The following CSMD2 variants were observed in gnomAD, a reference collection of about 807,000 sequenced individuals.
CSMD2 encodes CUB and sushi domain-containing protein 2.
CSMD2 carries 130 observed loss-of-function variants against 398.5 expected under a neutral mutation model. That is an observed-to-expected ratio of 0.33 (90% CI 0.28 to 0.38). CSMD2 has a LOEUF of 0.38. Ranked by LOEUF, CSMD2 falls within the 10% of genes least tolerant of loss-of-function variation. The probability of loss-of-function intolerance (pLI) is 1.00; values close to 1 mark genes in which losing one functional copy is unlikely to be tolerated. For missense variants in CSMD2, 3,829 were observed against 4,764.9 expected (o/e 0.80, Z 5.78); for synonymous variants, 1,828 against 1,908.5 (o/e 0.96, Z 1.10).
intron 5 of CSMD2, chr1:33,885,211 T>C (rs1166133863): frequency 6.6e-6 from 1 of 152,136 alleles, no homozygotes; most frequent in African/African-American, 2.4e-5. Flanking sequence ...TTCCGAGACA[T>C]ATCAGAAAAC....
At chr1:33,638,760 T>C (rs1642945904) in intron 29 of CSMD2, among the ~76,000 whole-genome samples, 1 of 152,170 alleles carries the variant, frequency 6.6e-6, no homozygotes, top group African/African-American at 2.4e-5. Flanking sequence ...CTTAGCTCAA[T>C]TTCTCCTTCA....
chr1:33,883,951 A>G (rs1641410317), intron 5 of CSMD2, among the ~76,000 whole-genome samples: 1 of 152,158 alleles, frequency 6.6e-6, no homozygotes, highest in South Asian at 2.1e-4. Flanking sequence ...GCTGGGGTTC[A>G]TGGGCCAGTG....
At chr1:33,878,853 G>A (rs994111399) in intron 5 of CSMD2, among the ~76,000 whole-genome samples, 1 of 152,222 alleles carries the variant, frequency 6.6e-6, no homozygotes, top group African/African-American at 2.4e-5. Context: ...GGGACAGGGT[G>A]CTATTGTGCT....
chr1:33,902,227 T>A (rs998210301), intron 5 of CSMD2, among the ~76,000 whole-genome samples: 1 of 152,070 alleles, frequency 6.6e-6, no homozygotes, highest in African/African-American at 2.4e-5. Flanking sequence ...TTTTAAAAGT[T>A]GGGGGTGTAA....
chr1:33,654,820 C>A (rs1011241785), intron 27 of CSMD2, among the ~76,000 whole-genome samples: 3 of 152,250 alleles, frequency 2.0e-5, no homozygotes, highest in Admixed American at 6.5e-5. Flanking sequence ...GTCCCTTTGC[C>A]AGCTCAGGGG....
intron 2 of CSMD2, among the ~76,000 whole-genome samples, chr1:34,048,358 T>C (rs1652788912): frequency 6.6e-6 from 1 of 152,210 alleles, no homozygotes; most frequent in African/African-American, 2.4e-5. Flanking sequence ...GGAGGTTTGA[T>C]GGAACAGCTG....
In CSMD2 at chr1:33,566,612, G is replaced by C. The variant is rs564147616; in HGVS notation, c.8380+981C>G. 2.0e-5 allele frequency among the ~76,000 whole-genome samples: 3 copies of C among 152,208 alleles called. No individual in the cohort carries two copies. The East Asian group carries it at 5.8e-4, about 29-fold the overall frequency. On this transcript the variant is annotated intron_variant, in intron 53 of 70. Coordinates refer to ENST00000373381, the MANE Select transcript of CSMD2 (RefSeq NM_001281956.2). ...AAATAGAATGGTCAAAGGTGCATCA[G>C]GCAAAAGAATTAAAGCAGGGGTTGT...
chr1:33,819,598 G>A (rs926658140), intron 9 of CSMD2, 115 bp downstream of exon 9: 7 of 862,636 alleles, frequency 8.1e-6, no homozygotes, highest in South Asian at 1.7e-5. Flanking sequence ...GGGAGTGAGG[G>A]GGGAGGGGAG....
intron 6 of CSMD2, among the ~76,000 whole-genome samples, chr1:33,832,408 C>G (rs1324161202): frequency 4.3e-5 from 2 of 46,286 alleles, no homozygotes; most frequent in African/African-American, 1.5e-4. Context: ...GCACTGGGTA[C>G]ATAACGAACT....
At chr1:34,010,665 T>C (rs1285230359) in intron 3 of CSMD2, among the ~76,000 whole-genome samples, 1 of 152,018 alleles carries the variant, frequency 6.6e-6, no homozygotes, top group African/African-American at 2.4e-5. Flanking sequence ...GTAACCCAGG[T>C]TGGAGTGCAG....
intron 9 of CSMD2, among the ~76,000 whole-genome samples, chr1:33,819,116 T>C (rs1267690559): frequency 6.6e-6 from 1 of 152,198 alleles, no homozygotes; most frequent in African/African-American, 2.4e-5. Flanking sequence ...AAAGCAGGAA[T>C]ACACTTGGCT....
In CSMD2 at chr1:34,093,858, C is replaced by T. The variant is rs186342943; in HGVS notation, c.188-4665G>A. 5.9e-3 allele frequency among the ~76,000 whole-genome samples: 895 copies of T among 152,190 alleles called. 10 individuals are homozygous for T. Among genetic ancestry groups the T allele is most frequent in the Middle Eastern group, 0.017 (5 of 294 alleles). On this transcript the variant is annotated intron_variant, in intron 1 of 70. Coordinates refer to ENST00000373381, the MANE Select transcript of CSMD2 (RefSeq NM_001281956.2). ...TGCAGGATATTATCCCGGAGAATTTCCCCAATCTAGCAAGGCAGGCCAACG... is the reference window on the plus strand; with the variant it reads ...TGCAGGATATTATCCCGGAGAATTTTCCCAATCTAGCAAGGCAGGCCAACG...
intron 2 of CSMD2, among the ~76,000 whole-genome samples, chr1:34,057,749 C>T (rs190886145): frequency 8.5e-5 from 13 of 152,242 alleles, no homozygotes; most frequent in Admixed American, 2.6e-4. Flanking sequence ...CAGACTCTGC[C>T]TACTGTAGAT....
intron 24 of CSMD2, 43 bp from the exon 25 acceptor site, chr1:33,693,099 A>G (rs1645297964): frequency 6.5e-7 from 1 of 1,544,910 alleles, no homozygotes. Flanking sequence ...GGGTGGCCTG[A>G]GCTGCCAGCA....
At chr1:34,136,437 C>T (rs980240033) in intron 1 of CSMD2, among the ~76,000 whole-genome samples, 5 of 152,130 alleles carry the variant, frequency 3.3e-5, no homozygotes, top group African/African-American at 7.2e-5. Flanking sequence ...GTGGACGTAT[C>T]CCATATTTGC....
At chr1:33,887,696 C>T (rs979495964) in intron 5 of CSMD2, among the ~76,000 whole-genome samples, 2 of 152,050 alleles carry the variant, frequency 1.3e-5, no homozygotes, top group Non-Finnish European at 2.9e-5. Context: ...GCCTTTAAGT[C>T]CCTCTTATTC....
At chr1:33,557,682 C>G (rs1404338847) in intron 55 of CSMD2, 52 bp downstream of exon 55, 12 of 1,487,378 alleles carry the variant, frequency 8.1e-6, no homozygotes, top group Non-Finnish European at 1.1e-5. Flanking sequence ...GAGGACTGTT[C>G]TTTGACACGG....
chr1:33,694,272 G>A (rs1645342636), intron 24 of CSMD2, among the ~76,000 whole-genome samples: 1 of 152,182 alleles, frequency 6.6e-6, no homozygotes, highest in Non-Finnish European at 1.5e-5. Flanking sequence ...GGGAGTGGCT[G>A]TTAATGGGCA....
chr1:33,783,112 G>A (rs1653003017), intron 12 of CSMD2, among the ~76,000 whole-genome samples: 1 of 152,144 alleles, frequency 6.6e-6, no homozygotes, highest in African/African-American at 2.4e-5. Context: ...GGTGGGGAGA[G>A]GGAAAAGGAG....
Sources: allele counts gnomAD v4.1 joint callset (sites outside exome capture counted in the v4.1 genomes callset), GRCh38; gene constraint gnomAD v4.1.1; transcripts MANE v1.5; gene names NCBI Gene and HGNC (gene_info 2026-07-23, HGNC 2026-07-21).